Variants in GDAP1 observed in about 807,000 individuals in gnomAD.
The protein encoded by GDAP1 is ganglioside induced differentiation associated protein 1.
Under a neutral mutation model 40.1 loss-of-function variants are expected in GDAP1, and 34 were observed. That is an observed-to-expected ratio of 0.85 (90% CI 0.64 to 1.13). GDAP1 has a LOEUF of 1.13. Ranked by LOEUF, GDAP1 falls within the 50% of genes most tolerant of loss-of-function variation. GDAP1 has a pLI of 0.00. For missense variants in GDAP1, 374 were observed against 433.7 expected (o/e 0.86, Z 1.22); for synonymous variants, 170 against 157.4 (o/e 1.08, Z -0.60).
intron 2 of GDAP1, among the ~76,000 whole-genome samples, chr8:74,377,949 A>G (rs1411350523): frequency 1.3e-5 from 2 of 152,144 alleles, no homozygotes; most frequent in African/African-American, 4.8e-5. Flanking sequence ...ATAAAAAGAG[A>G]ACAAACCATT....
At chr8:74,372,425 C>A (rs1198801955) in intron 2 of GDAP1, among the ~76,000 whole-genome samples, 1 of 152,194 alleles carries the variant, frequency 6.6e-6, no homozygotes, top group Non-Finnish European at 1.5e-5. Context: ...TCCTCTCCAG[C>A]ACCTGTTGTT....
At chr8:74,447,364 C>T (rs1806244186) in intron 2 of GDAP1, among the ~76,000 whole-genome samples, 1 of 152,012 alleles carries the variant, frequency 6.6e-6, no homozygotes, top group Non-Finnish European at 1.5e-5. Context: ...GTCCATTTTT[C>T]CATTTTTTCT....
intron 2 of GDAP1, among the ~76,000 whole-genome samples, chr8:74,441,523 TTA>T (rs1257905548): frequency 6.6e-6 from 1 of 152,146 alleles, no homozygotes; most frequent in Non-Finnish European, 1.5e-5. Flanking sequence ...GGCCATGTGT[TTA>T]TGTGTTGAAG....
downstream of GDAP1, among the ~76,000 whole-genome samples, chr8:74,370,579 CAAAT>C (rs1427487867): frequency 3.3e-5 from 5 of 152,084 alleles, no homozygotes; most frequent in African/African-American, 1.2e-4. Context: ...AGCAACAAAA[CAAAT>C]AAACAGAAGG....
At chr8:74,433,549 A>C (rs1586833772) in intron 2 of GDAP1, among the ~76,000 whole-genome samples, 1 of 152,178 alleles carries the variant, frequency 6.6e-6, no homozygotes, top group African/African-American at 2.4e-5. Context: ...ATATTTGATG[A>C]ATGAACAATT....
In GDAP1 at chr8:74,363,976, T is replaced by G; in HGVS notation, c.695-9T>G. ...GCCTCTAATTCTCTATGTCCCTTTC[T>G]CTAATTAGAAGAGGGCCAGCAACCT... On this transcript the variant is annotated splice_polypyrimidine_tract_variant and intron_variant, in intron 5 of 5. Coordinates refer to ENST00000220822, the MANE Select transcript of GDAP1 (RefSeq NM_018972.4). 1 of 1,613,508 alleles carries G rather than the reference T, an allele frequency of 6.2e-7. No individual in the cohort carries two copies. Among genetic ancestry groups the G allele is most frequent in the South Asian group, 1.1e-5 (1 of 91,066 alleles).
intron 2 of GDAP1, among the ~76,000 whole-genome samples, chr8:74,408,151 C>G (rs1805663804): frequency 6.7e-6 from 1 of 149,940 alleles, no homozygotes; most frequent in South Asian, 2.1e-4. Context: ...ACACTCGAGG[C>G]CTGTATGTTC....
chr8:74,446,292 G>A (rs1806225622), intron 2 of GDAP1, among the ~76,000 whole-genome samples: 1 of 152,096 alleles, frequency 6.6e-6, no homozygotes, highest in African/African-American at 2.4e-5. Flanking sequence ...GACTAGTGGA[G>A]ACATAATAAA....
At chr8:74,450,165 A>G (rs1262263100) in intron 2 of GDAP1, among the ~76,000 whole-genome samples, 2 of 151,032 alleles carry the variant, frequency 1.3e-5, no homozygotes, top group Non-Finnish European at 3.0e-5. Context: ...TTTATTATTG[A>G]CTTCCCATTT....
At chr8:74,474,761 G>C (rs1013595528) in intron 2 of GDAP1, among the ~76,000 whole-genome samples, 8 of 151,976 alleles carry the variant, frequency 5.3e-5, no homozygotes, top group Admixed American at 5.2e-4. Context: ...TTTCTTTTTT[G>C]GTTGTGTTTC....
chr8:74,470,819 G>A lies in GDAP1; in HGVS notation c.166-17859G>A, dbSNP rs1246649919. 2.0e-5 allele frequency among the ~76,000 whole-genome samples: 3 copies of A among 152,134 alleles called. No individual in the cohort carries two copies. In the East Asian group the frequency reaches 5.8e-4, roughly 29 times the overall value. On this transcript the variant is annotated intron_variant, in intron 2 of 2. Transcript: ENST00000523640. ...GTATTTCTAGTTCTAGATCCCTGAG[G>A]AATCGCCACACTGACTTCCACAATG... is the stretch of plus-strand genomic sequence containing the variant.
chr8:74,397,626 T>G (rs1345902372), intron 2 of GDAP1, among the ~76,000 whole-genome samples: 1 of 152,160 alleles, frequency 6.6e-6, no homozygotes, highest in Non-Finnish European at 1.5e-5. Context: ...CTTTCCCCAT[T>G]GCTTGTTTTT....
chr8:74,417,111 G>T (rs1805793337), intron 2 of GDAP1, among the ~76,000 whole-genome samples: 2 of 148,826 alleles, frequency 1.3e-5, no homozygotes, highest in South Asian at 4.2e-4. Flanking sequence ...CTTGGAGTGG[G>T]TGCACTTGTA....
chr8:74,453,009 G>A (rs1454834633), intron 2 of GDAP1, among the ~76,000 whole-genome samples: 3 of 83,194 alleles, frequency 3.6e-5, no homozygotes, highest in Admixed American at 2.5e-4. Flanking sequence ...ATTTGCTTTG[G>A]TTTTGTTGTT....
At position 74,389,795 on chromosome 8, in the gene GDAP1, G is replaced by A. The variant is rs183157054; in HGVS notation, c.165+38474G>A. Among the ~76,000 whole-genome samples the A allele has an allele frequency of 6.4e-4, 97 of 152,210 alleles. 1 individual carries two copies. The East Asian group carries it at 8.7e-3, about 14-fold the overall frequency. ...TTTCCAACTTGGTTCAATTCTCCCC[G>A]TCACTTTCAGGTACACCAATCAATT... On this transcript the variant is annotated intron_variant, in intron 2 of 2. Coordinates refer to the GDAP1 transcript ENST00000523640.
rs115749246 is a variant in GDAP1 at position 74,375,043 on chromosome 8, T to C, written c.165+23722T>C. On this transcript the variant is annotated intron_variant, in intron 2 of 2. Transcript: ENST00000523640. ...GTATCTGAGTTAAATAAGAAAAATATTGGGCCAGGTGTGGAGGCTTATGCC... is the reference window on the plus strand; with the variant it reads ...GTATCTGAGTTAAATAAGAAAAATACTGGGCCAGGTGTGGAGGCTTATGCC... Among the ~76,000 whole-genome samples the C allele has an allele frequency of 5.3e-3, 787 of 149,554 alleles. 7 individuals are homozygous for C. The highest frequency in any genetic ancestry group is 0.018 in the African/African-American group (730 of 40,448).
chr8:74,465,089 G>A (rs557897373), intron 2 of GDAP1, among the ~76,000 whole-genome samples: 6 of 152,000 alleles, frequency 3.9e-5, no homozygotes, highest in Non-Finnish European at 7.4e-5. Flanking sequence ...GCGTGGTAGC[G>A]TGCTCCTGTA....
In GDAP1 at chr8:74,407,572, T is replaced by C. The variant is rs188279561; in HGVS notation, c.165+56251T>C. ...CAGACTGAGTCACTACTGGCATCCT[T>C]GATCCTCAGCTTGCTGACAGCCTAT... On this transcript the variant is annotated intron_variant, in intron 2 of 2. Coordinates refer to the GDAP1 transcript ENST00000523640. 2.9e-4 allele frequency among the ~76,000 whole-genome samples: 44 copies of C among 150,058 alleles called. No individual in the cohort carries two copies. In the East Asian group the frequency reaches 4.6e-3, roughly 16 times the overall value.
In GDAP1 at chr8:74,364,752, T is replaced by C. The variant is rs1202662982; in HGVS notation, c.*385T>C. The C allele has an allele frequency of 2.2e-6, 1 of 459,960 alleles. No individual in the cohort carries two copies. The highest frequency in any genetic ancestry group is 4.3e-6 in the Non-Finnish European group (1 of 231,034). 28.5% of individuals were successfully genotyped at this position (459,960 alleles called of 1,614,324 possible). ...CATACACTTCTGTAATTGAGAACTC[T>C]TAGGAGAGGACTAGGGAATCACTGG... On this transcript the variant is annotated 3_prime_UTR_variant, in exon 6 of 6. Coordinates refer to ENST00000220822, the MANE Select transcript of GDAP1 (RefSeq NM_018972.4).
Sources: allele counts gnomAD v4.1 joint callset (sites outside exome capture counted in the v4.1 genomes callset), GRCh38; gene constraint gnomAD v4.1.1; transcripts MANE v1.5; gene names NCBI Gene and HGNC (gene_info 2026-07-23, HGNC 2026-07-21).